The following FBXL4 variants were observed in gnomAD, a reference collection of about 807,000 sequenced individuals.
The protein encoded by FBXL4 is F-box/LRR-repeat protein 4.
A neutral mutation model predicts 58.9 loss-of-function variants in FBXL4; 40 were observed. The ratio of observed to expected loss-of-function variants is 0.68; its 90% confidence interval spans 0.53 to 0.88. FBXL4 has a LOEUF of 0.88. FBXL4 is among the 40% of genes least tolerant of loss of function. The pLI is 0.00. For synonymous variants in FBXL4, 263 were observed against 265.5 expected (o/e 0.99, Z 0.09); for missense variants, 676 against 734.4 (o/e 0.92, Z 0.92).
At chr6:98,919,034 G>A (rs1243374494) in intron 4 of FBXL4, among the ~76,000 whole-genome samples, 1 of 151,532 alleles carries the variant, frequency 6.6e-6, no homozygotes. Context: ...TAATGGCAAC[G>A]CATAGAAGAA....
At chr6:98,934,964 G>C (rs755422119) in intron 1 of FBXL4, 85 bp from the exon 2 acceptor site, 1 of 152,124 alleles carries the variant, frequency 6.6e-6, no homozygotes, top group Non-Finnish European at 1.5e-5. Context: ...AAAAATGCAA[G>C]GAAATAATCC....
At chr6:98,886,362 CT>C (rs1490144355) in intron 7 of FBXL4, among the ~76,000 whole-genome samples, 4 of 151,920 alleles carry the variant, frequency 2.6e-5, no homozygotes, top group Non-Finnish European at 4.4e-5. Flanking sequence ...TCTGACATAC[CT>C]TTTAGAAATC....
intron 6 of FBXL4, among the ~76,000 whole-genome samples, chr6:98,900,554 T>C (rs1030971770): frequency 8.5e-5 from 13 of 152,200 alleles, no homozygotes; most frequent in Non-Finnish European, 1.8e-4. Flanking sequence ...AGTCTTAGCA[T>C]TTCCTCAGCT....
intron 5 of FBXL4, among the ~76,000 whole-genome samples, chr6:98,916,674 G>A (rs1426235465): frequency 1.3e-5 from 2 of 152,052 alleles, no homozygotes; most frequent in African/African-American, 2.4e-5. Flanking sequence ...GTTGTGGGGT[G>A]GGGCGAGTGG....
intron 7 of FBXL4, chr6:98,896,649 C>T (rs1771419457): frequency 4.3e-6 from 2 of 461,994 alleles, no homozygotes; most frequent in Non-Finnish European, 5.7e-6. Context: ...TTTTTTTCTA[C>T]ATATTCAATG....
intron 7 of FBXL4, among the ~76,000 whole-genome samples, chr6:98,888,430 A>G (rs1390292005): frequency 6.6e-6 from 1 of 152,202 alleles, no homozygotes; most frequent in Non-Finnish European, 1.5e-5. Context: ...TATATGCAGC[A>G]CTGCTACATA....
At chr6:98,933,100 A>C (rs2128409034) in intron 2 of FBXL4, among the ~76,000 whole-genome samples, 1 of 152,334 alleles carries the variant, frequency 6.6e-6, no homozygotes, top group East Asian at 1.9e-4. Flanking sequence ...TAGAAATCAA[A>C]ACAGGGGAAT....
Position 98,900,366 on chromosome 6 carries a change from T to G in FBXL4, c.1104-885A>C, listed in dbSNP as rs941011697. Among the ~76,000 whole-genome samples, 5 of 152,310 alleles carry G rather than the reference T, an allele frequency of 3.3e-5. No homozygotes were observed. The East Asian group carries it at 7.7e-4, about 23-fold the overall frequency. On this transcript the variant is annotated intron_variant, in intron 6 of 9. Transcript: ENST00000369244. ...ACATCAGTAATATACTGTTAGTCAA[T>G]TTATGCCACATCTTTATTCCTAAAT...
chr6:98,922,084 C>A (rs1045434265), intron 4 of FBXL4, among the ~76,000 whole-genome samples: 2 of 152,152 alleles, frequency 1.3e-5, no homozygotes, highest in Admixed American at 6.5e-5. Context: ...CCCGCCACCA[C>A]GCCTGGCTAA....
chr6:98,875,713 A>G lies in FBXL4; in HGVS notation c.1404T>C (p.Asp468=), dbSNP rs1770638740. ...TGGCTCCTATCATGCTAGCTATCAC[A>G]TCATAGTCTTCAATCTGGAAATCAA... ...LGSCVMIEDY[D]VIASMIGAKC... The change falls in exon 9 of 10, where the codon GAT becomes GAC. Residue 468 remains aspartate (D), a synonymous_variant. Coordinates refer to ENST00000369244, the MANE Select transcript of FBXL4 (RefSeq NM_001278716.2). 1 of 1,613,532 alleles carries G rather than the reference A, an allele frequency of 6.2e-7. No homozygotes were observed. Among genetic ancestry groups the G allele is most frequent in the South Asian group, 1.1e-5 (1 of 91,084 alleles).
rs1299550153 is a variant in FBXL4, at chr6:98,870,000, A to T, written c.*4278T>A. 2.0e-5 allele frequency: 3 copies of T among 152,214 alleles called. No individual in the cohort carries two copies. Among genetic ancestry groups the T allele is most frequent in the African/African-American group, 7.2e-5 (3 of 41,458 alleles). The allele number at this position is 152,214 out of a possible 1,614,324, so 9.4% of individuals were successfully genotyped here. A position where few individuals can be genotyped will look rare whatever the true frequency, so the allele number is the denominator to read the frequency against. On this transcript the variant is annotated 3_prime_UTR_variant, in exon 10 of 10. Coordinates refer to ENST00000369244, the MANE Select transcript of FBXL4 (RefSeq NM_001278716.2). ...AATGCAAAGATAAATAATTATACAAAAATTTAAGTCAGTTGTCAAAGCTAA... is the reference window on the plus strand; with the variant it reads ...AATGCAAAGATAAATAATTATACAATAATTTAAGTCAGTTGTCAAAGCTAA...
At chr6:98,942,570 C>CAG (rs1773472762) in intron 1 of FBXL4, among the ~76,000 whole-genome samples, 1 of 152,088 alleles carries the variant, frequency 6.6e-6, no homozygotes, top group East Asian at 1.9e-4. Flanking sequence ...CCATGTAAGA[C>CAG]CCTTGCTCCT....
intron 7 of FBXL4, among the ~76,000 whole-genome samples, chr6:98,889,455 G>A (rs1300432631): frequency 6.6e-6 from 1 of 152,078 alleles, no homozygotes; most frequent in Non-Finnish European, 1.5e-5. Flanking sequence ...GCTGAGGTGG[G>A]CAGATCACTT....
chr6:98,941,550 C>A (rs1170309947), intron 1 of FBXL4, among the ~76,000 whole-genome samples: 1 of 152,158 alleles, frequency 6.6e-6, no homozygotes, highest in Non-Finnish European at 1.5e-5. Flanking sequence ...TGGTTATGCA[C>A]ACGCTAGCTT....
intron 4 of FBXL4, among the ~76,000 whole-genome samples, chr6:98,922,620 T>TA (rs781451014): frequency 7.2e-5 from 11 of 152,230 alleles, no homozygotes; most frequent in Non-Finnish European, 1.5e-4. Flanking sequence ...ATTCTGATCA[T>TA]GCTGATTTCT....
At chr6:98,881,760 T>A (rs1770862570) in intron 7 of FBXL4, among the ~76,000 whole-genome samples, 1 of 152,070 alleles carries the variant, frequency 6.6e-6, no homozygotes, top group East Asian at 1.9e-4. Context: ...CAAAAAAAGT[T>A]TATATTGATT....
chr6:98,946,378 T>G (rs1269273262), intron 1 of FBXL4, among the ~76,000 whole-genome samples: 1 of 152,020 alleles, frequency 6.6e-6, no homozygotes, highest in African/African-American at 2.4e-5. Context: ...AAAACGGAGG[T>G]GGATATTTAT....
chr6:98,932,381 T>G (rs1204834883), intron 2 of FBXL4, among the ~76,000 whole-genome samples: 1 of 152,210 alleles, frequency 6.6e-6, no homozygotes, highest in Non-Finnish European at 1.5e-5. Context: ...AACAACTTGC[T>G]TTTATACAAC....
chr6:98,876,877 A>G (rs979685357), intron 8 of FBXL4, among the ~76,000 whole-genome samples: 1 of 152,098 alleles, frequency 6.6e-6, no homozygotes, highest in African/African-American at 2.4e-5. Flanking sequence ...AAGGAGTTAG[A>G]TTTTTCTTTC....
Sources: gnomAD v4.1 joint callset for allele counts (sites outside exome capture counted in the v4.1 genomes callset) on GRCh38, gnomAD v4.1.1 for gene constraint, MANE v1.5 for transcripts, NCBI Gene and HGNC (gene_info 2026-07-23, HGNC 2026-07-21) for gene names.